The following PRKN variants were observed in gnomAD, a reference collection of about 807,000 sequenced individuals.
The protein encoded by PRKN is parkin RBR E3 ubiquitin protein ligase.
PRKN carries 56 observed loss-of-function variants against 59.5 expected under a neutral mutation model. The ratio of observed to expected loss-of-function variants is 0.94; its 90% CI spans 0.76 to 1.18. The LOEUF (loss-of-function observed/expected upper bound fraction) is 1.18. Ranked by LOEUF, PRKN falls within the 50% of genes most tolerant of loss-of-function variation. The pLI is 0.00. For missense variants in PRKN, 657 were observed against 596.4 expected (o/e 1.10, Z -1.06); for synonymous variants, 250 against 222.1 (o/e 1.13, Z -1.12).
At chr6:162,120,503 A>T (rs1780865912) in intron 4 of PRKN, among the ~76,000 whole-genome samples, 1 of 152,214 alleles carries the variant, frequency 6.6e-6, no homozygotes, top group Admixed American at 6.5e-5. Flanking sequence ...CTGAACTGCA[A>T]CCAATTCATG....
chr6:161,427,221 T>C (rs964329655), intron 9 of PRKN, among the ~76,000 whole-genome samples: 2 of 152,174 alleles, frequency 1.3e-5, no homozygotes, highest in African/African-American at 2.4e-5. Context: ...GATTTTGCCA[T>C]GTTGCTCAGG....
Position 161,459,745 on chromosome 6 carries a change from T to C in PRKN, c.1084-72868A>G, listed in dbSNP as rs188085620. On this transcript the variant is annotated intron_variant, in intron 9 of 11. Transcript: ENST00000366898. This position sits in a 1 kb window ranked among gnomAD's most constrained non-coding sequence, Gnocchi z 4.8. The stretch of plus-strand genomic sequence containing the variant: ...CTAGCTAACTGGTGCCACCATAACA[T>C]TTGCTATAATTATAACAGTTCAGTT... Among the ~76,000 whole-genome samples, 109 of 152,312 alleles carry C rather than the reference T, an allele frequency of 7.2e-4. No homozygotes were observed. Among genetic ancestry groups the C allele is most frequent in the African/African-American group, 2.5e-3 (104 of 41,564 alleles).
chr6:162,067,442 T>G (rs1778386365), intron 4 of PRKN, among the ~76,000 whole-genome samples: 2 of 152,212 alleles, frequency 1.3e-5, no homozygotes, highest in Non-Finnish European at 2.9e-5. Context: ...TAAATAAGTC[T>G]TTTGGAAGAC....
At chr6:162,234,188 A>T (rs577777614) in intron 3 of PRKN, among the ~76,000 whole-genome samples, 18 of 152,286 alleles carry the variant, frequency 1.2e-4, no homozygotes, top group Admixed American at 1.2e-3. Context: ...GACAATTTGC[A>T]ACTAAGAATG....
chr6:162,186,211 A>G (rs1784022162), intron 4 of PRKN, among the ~76,000 whole-genome samples: 2 of 152,196 alleles, frequency 1.3e-5, no homozygotes, highest in African/African-American at 4.8e-5. Context: ...GGAGGTTTCA[A>G]TTAAAGCCAG....
At chr6:162,638,614 A>C (rs1365637971) in intron 1 of PRKN, among the ~76,000 whole-genome samples, 30 of 152,082 alleles carry the variant, frequency 2.0e-4, no homozygotes, top group Admixed American at 1.9e-3. Context: ...TTCCAGTTGA[A>C]TCTTTTGGAA....
intron 7 of PRKN, among the ~76,000 whole-genome samples, chr6:161,573,371 A>G (rs1780968573): frequency 6.6e-6 from 1 of 152,140 alleles, no homozygotes; most frequent in Non-Finnish European, 1.5e-5. Context: ...GTATAAGCAT[A>G]AAGTATTTAT....
chr6:161,867,881 C>T (rs1794187575), intron 6 of PRKN, among the ~76,000 whole-genome samples: 1 of 151,880 alleles, frequency 6.6e-6, no homozygotes, highest in East Asian at 1.9e-4. Context: ...CTGCCTCAGC[C>T]TCCCGAGTAG....
intron 7 of PRKN, among the ~76,000 whole-genome samples, chr6:161,757,871 C>CTCTCTCTCTCTCTCTCTCTCTCTTTG (rs1380898753): frequency 1.0e-5 from 1 of 97,984 alleles, no homozygotes; most frequent in African/African-American, 4.5e-5. Flanking sequence ...CTCTCTCTCT[C>CTCTCTCTCTCTCTCTCTCTCTCTTTG]TGTGTATATA....
chr6:162,207,910 G>T (rs530920104), intron 3 of PRKN, among the ~76,000 whole-genome samples: 1 of 152,048 alleles, frequency 6.6e-6, no homozygotes, highest in South Asian at 2.1e-4. Flanking sequence ...GTGGTGTCAG[G>T]GCAACAAATA....
intron 2 of PRKN, among the ~76,000 whole-genome samples, chr6:162,380,549 CAT>C (rs1786425118): frequency 6.9e-6 from 1 of 144,280 alleles, no homozygotes; most frequent in Non-Finnish European, 1.5e-5. Flanking sequence ...ATATATGTAT[CAT>C]TAACATCAAG....
At chr6:162,326,560 TCTTA>T (rs1380992933) in intron 2 of PRKN, among the ~76,000 whole-genome samples, 1 of 152,156 alleles carries the variant, frequency 6.6e-6, no homozygotes, top group African/African-American at 2.4e-5. Flanking sequence ...ATTAGAAACA[TCTTA>T]CTTAAGAAGA....
At chr6:161,772,723 A>G (rs1789747677) in intron 7 of PRKN, among the ~76,000 whole-genome samples, 1 of 152,220 alleles carries the variant, frequency 6.6e-6, no homozygotes, top group South Asian at 2.1e-4. Context: ...CTTAAAATTT[A>G]TCTGATGAAA....
At chr6:162,082,410 C>G (rs1779093458) in intron 4 of PRKN, among the ~76,000 whole-genome samples, 2 of 152,176 alleles carry the variant, frequency 1.3e-5, no homozygotes, top group Middle Eastern at 3.4e-3. Flanking sequence ...ACTAATACAG[C>G]CTTCCTCTGG....
intron 4 of PRKN, among the ~76,000 whole-genome samples, chr6:162,177,694 AC>A: frequency 6.6e-6 from 1 of 152,326 alleles, no homozygotes; most frequent in Admixed American, 6.5e-5. Context: ...CCTTCCAACT[AC>A]ACCAAGAATA....
At chr6:161,796,964 A>G (rs1185678726) in intron 6 of PRKN, among the ~76,000 whole-genome samples, 8 of 152,260 alleles carry the variant, frequency 5.3e-5, no homozygotes, top group Admixed American at 5.2e-4. Flanking sequence ...ATATGAAGAC[A>G]GATCTTGTTT....
intron 10 of PRKN, among the ~76,000 whole-genome samples, chr6:161,368,279 G>A (rs377338275): frequency 8.5e-5 from 6 of 70,756 alleles, no homozygotes; most frequent in African/African-American, 4.9e-4. Context: ...TTATATATAT[G>A]TATATATTTA....
chr6:161,738,209 A>G (rs1467426784), intron 7 of PRKN, among the ~76,000 whole-genome samples: 2 of 152,200 alleles, frequency 1.3e-5, no homozygotes, highest in Non-Finnish European at 2.9e-5. Context: ...AGCTTCACCT[A>G]TAAGAATAAC....
intron 4 of PRKN, among the ~76,000 whole-genome samples, chr6:162,136,437 A>T (rs1284034172): frequency 1.3e-5 from 2 of 152,118 alleles, no homozygotes; most frequent in Non-Finnish European, 1.5e-5. Flanking sequence ...ATGTCACCTC[A>T]TTTATTTACT....
Sources: allele counts gnomAD v4.1 joint callset (sites outside exome capture counted in the v4.1 genomes callset), GRCh38; gene constraint gnomAD v4.1.1; non-coding constraint Gnocchi (gnomAD v3.1); transcripts MANE v1.5; gene names NCBI Gene and HGNC (gene_info 2026-07-23, HGNC 2026-07-21).